Variants in ZNF131 observed in about 807,000 individuals in gnomAD.
ZNF131 encodes the protein zinc finger and BTB domain containing 35, also known as zinc finger protein 131.
In ZNF131, 7 loss-of-function variants were observed where a neutral mutation model predicts 60.0. The observed-to-expected ratio is 0.12, with a 90% CI of 0.07 to 0.22. The LOEUF is 0.22. Ranked by LOEUF, ZNF131 falls within the 10% of genes least tolerant of loss-of-function variation. ZNF131 has a pLI of 1.00. For missense variants in ZNF131, 493 were observed against 740.9 expected (o/e 0.67, Z 3.88); for synonymous variants, 257 against 253.2 (o/e 1.01, Z -0.14).
intron 4 of ZNF131, among the ~76,000 whole-genome samples, chr5:43,141,322 C>T (rs1379912278): frequency 6.6e-6 from 1 of 152,076 alleles, no homozygotes; most frequent in Non-Finnish European, 1.5e-5. Context: ...ATCAGGCCAT[C>T]TCTTCTCAAA....
intron 3 of ZNF131, among the ~76,000 whole-genome samples, chr5:43,125,871 T>C (rs1744485813): frequency 6.6e-6 from 1 of 152,222 alleles, no homozygotes; most frequent in African/African-American, 2.4e-5. Context: ...AAGTAGAGCC[T>C]GGTCTTCTGA....
At chr5:43,172,718 C>CTT in intron 5 of ZNF131, among the ~76,000 whole-genome samples, 1 of 152,078 alleles carries the variant, frequency 6.6e-6, no homozygotes, top group South Asian at 2.1e-4. Context: ...TGTTTTATAC[C>CTT]TCCGTGCCTC....
At chr5:43,133,629 T>C (rs1172788340) in intron 3 of ZNF131, among the ~76,000 whole-genome samples, 1 of 152,212 alleles carries the variant, frequency 6.6e-6, no homozygotes, top group African/African-American at 2.4e-5. Flanking sequence ...GAATTGTCAT[T>C]ATCAGAATGG....
At chr5:43,166,849 G>A (rs561737680) in intron 5 of ZNF131, among the ~76,000 whole-genome samples, 2 of 151,168 alleles carry the variant, frequency 1.3e-5, no homozygotes, top group Admixed American at 1.3e-4. Flanking sequence ...TAGTAGAGAC[G>A]GGGTTTCACC....
intron 3 of ZNF131, among the ~76,000 whole-genome samples, chr5:43,125,408 C>T (rs2112113970): frequency 6.6e-6 from 1 of 151,936 alleles, no homozygotes; most frequent in East Asian, 2.0e-4. Context: ...ATCCACCCGC[C>T]TCTTCCTCCC....
chr5:43,124,406 C>T (rs967660210), intron 3 of ZNF131: 1 of 149,784 alleles, frequency 6.7e-6, no homozygotes, highest in African/African-American at 2.4e-5. Context: ...AATGGGTTGC[C>T]TAGAAACTCC....
intron 5 of ZNF131, among the ~76,000 whole-genome samples, chr5:43,170,053 TA>T (rs1220506444): frequency 1.3e-5 from 2 of 152,154 alleles, no homozygotes; most frequent in African/African-American, 4.8e-5. Flanking sequence ...TCCTCCCTAA[TA>T]ATATGCACAT....
chr5:43,162,732 C>T (rs13182652), intron 5 of ZNF131, among the ~76,000 whole-genome samples: 23,932 of 150,786 alleles, frequency 0.16, 2,025 homozygotes, highest in African/African-American at 0.21. Context: ...TGTGAAACCC[C>T]GTCTCTACTA....
At position 43,139,281 on chromosome 5, in the gene ZNF131, C is replaced by A. The variant is rs1746509400; in HGVS notation, c.343C>A (p.Leu115Ile). ...VWKAAEFLQMLEAIKALEVRN... is the reference protein window; with the variant it reads ...VWKAAEFLQMIEAIKALEVRN... ...GAAAGCAGCAGAGTTTCTACAAATG[C>A]TAGAAGCTATCAAAGCCCTTGAAGT... The change falls in exon 4 of 7, where the codon CTA becomes ATA. Residue 115 changes from leucine to isoleucine, a missense_variant. Around this residue, in one of 7 missense-constraint regions of ZNF131, gnomAD observed 66 missense variants for 148.0 expected, o/e 0.45. Coordinates refer to ENST00000682664, the MANE Select transcript of ZNF131 (RefSeq NM_001330707.2). 7 of 1,610,914 alleles carry A rather than the reference C, an allele frequency of 4.3e-6. No individual in the cohort carries two copies. Among genetic ancestry groups the A allele is most frequent in the Non-Finnish European group, 5.9e-6 (7 of 1,178,892 alleles).
At chr5:43,125,113 TAATG>T (rs1222964101) in intron 3 of ZNF131, 1 of 151,838 alleles carries the variant, frequency 6.6e-6, no homozygotes, top group Non-Finnish European at 1.5e-5. Flanking sequence ...GATGAAGAAT[TAATG>T]AATAAGATGT....
rs200193662 is a variant in ZNF131 at position 43,146,904 on chromosome 5, AAT to A, written c.371+7608_371+7609del. Among the ~76,000 whole-genome samples the A allele has an allele frequency of 4.6e-5, 7 of 151,188 alleles. 1 individual carries two copies. The highest frequency in any genetic ancestry group is 3.9e-4 in the East Asian group (2 of 5,176). On this transcript the variant is annotated intron_variant, in intron 4 of 6. Coordinates refer to ENST00000682664, the MANE Select transcript of ZNF131 (RefSeq NM_001330707.2). ...ATGGATGACAGAAACTCCATCTCAA[AAT>A]ATATATATATATGTATATATACAGT...
chr5:43,152,656 G>C (rs1005681453), intron 4 of ZNF131, among the ~76,000 whole-genome samples: 1 of 152,142 alleles, frequency 6.6e-6, no homozygotes, highest in Non-Finnish European at 1.5e-5. Flanking sequence ...ACCCAGGCTG[G>C]AGTGCAGTGG....
At chr5:43,142,434 G>T (rs113064012) in intron 4 of ZNF131, among the ~76,000 whole-genome samples, 1 of 149,806 alleles carries the variant, frequency 6.7e-6, no homozygotes, top group South Asian at 2.2e-4. Context: ...CTCCCGAGTA[G>T]CTGTGATTAC....
At chr5:43,121,880 G>T in intron 1 of ZNF131, 159 bp from the exon 2 acceptor site, 1 of 775,090 alleles carries the variant, frequency 1.3e-6, no homozygotes, top group Non-Finnish European at 1.9e-6. Flanking sequence ...CTCCGGGGCC[G>T]CTCGGCTCGC....
At chr5:43,157,468 TG>T (rs1749105092) in intron 4 of ZNF131, among the ~76,000 whole-genome samples, 1 of 152,192 alleles carries the variant, frequency 6.6e-6, no homozygotes, top group Admixed American at 6.6e-5. Context: ...TTAGTATGGT[TG>T]TTAACCATGG....
intron 3 of ZNF131, among the ~76,000 whole-genome samples, chr5:43,136,260 A>G (rs1017863507): frequency 1.3e-5 from 2 of 152,226 alleles, no homozygotes; most frequent in Non-Finnish European, 2.9e-5. Flanking sequence ...TTCAAAATCC[A>G]AAACAGTTGT....
At chr5:43,169,765 A>G (rs1296676322) in intron 5 of ZNF131, among the ~76,000 whole-genome samples, 4 of 151,536 alleles carry the variant, frequency 2.6e-5, no homozygotes, top group Admixed American at 1.3e-4. Flanking sequence ...TAAGAGCAGA[A>G]TTGCCAGGTC....
At chr5:43,156,650 C>G (rs1007518806) in intron 4 of ZNF131, among the ~76,000 whole-genome samples, 3 of 152,196 alleles carry the variant, frequency 2.0e-5, no homozygotes, top group African/African-American at 7.2e-5. Context: ...TTCCTTGATT[C>G]ATTGGCTCCC....
At chr5:43,134,464 A>T (rs1035589498) in intron 3 of ZNF131, among the ~76,000 whole-genome samples, 1 of 152,054 alleles carries the variant, frequency 6.6e-6, no homozygotes, top group Admixed American at 6.6e-5. Flanking sequence ...AAGGATGCCT[A>T]CTCTTATCAC....
Sources: gnomAD v4.1 joint callset for allele counts (sites outside exome capture counted in the v4.1 genomes callset) on GRCh38, gnomAD v4.1.1 for gene constraint, gnomAD v4.1.1 regional missense constraint, MANE v1.5 for transcripts, NCBI Gene and HGNC (gene_info 2026-07-23, HGNC 2026-07-21) for gene names.